Variants in PRIM2 observed in about 807,000 individuals in gnomAD.
PRIM2 encodes DNA primase large subunit.
Under a neutral mutation model 67.3 loss-of-function variants are expected in PRIM2, and 39 were observed. That is an observed-to-expected ratio of 0.58 (90% confidence interval 0.45 to 0.76). PRIM2 has a LOEUF of 0.76. PRIM2 is among the 30% of genes least tolerant of loss of function. The probability of loss-of-function intolerance (pLI) is 0.00; values close to 1 mark genes in which losing one functional copy is unlikely to be tolerated. For synonymous variants in PRIM2, 143 were observed against 198.7 expected, an observed-to-expected ratio of 0.72 and a Z score of 2.36; for missense variants, 398 against 598.7, an observed-to-expected ratio of 0.66 and a Z score of 3.50.
intron 12 of PRIM2, among the ~76,000 whole-genome samples, chr6:57,625,924 T>G (rs1439620171): frequency 2.6e-5 from 4 of 152,182 alleles, no homozygotes; most frequent in South Asian, 4.2e-4. Flanking sequence ...GTTCAAAAAT[T>G]TGCAAGACTT....
intron 10 of PRIM2, among the ~76,000 whole-genome samples, chr6:57,543,019 G>A (rs1413295886): frequency 7.4e-6 from 1 of 134,410 alleles, no homozygotes; most frequent in Non-Finnish European, 1.5e-5. Flanking sequence ...GCTCACTGCA[G>A]GCTCCGCCCC....
intron 7 of PRIM2, among the ~76,000 whole-genome samples, chr6:57,390,624 T>TGA (rs1770309073): frequency 6.6e-6 from 1 of 152,210 alleles, no homozygotes; most frequent in African/African-American, 2.4e-5. Context: ...TCTCACTAAG[T>TGA]GAGAACATGT....
At chr6:57,624,875 G>A (rs1776920733) in intron 12 of PRIM2, among the ~76,000 whole-genome samples, 1 of 152,196 alleles carries the variant, frequency 6.6e-6, no homozygotes, top group Admixed American at 6.5e-5. Flanking sequence ...TGGACTCACA[G>A]TTCCATGTGG....
rs540567743 is a variant in PRIM2 at position 57,379,042 on chromosome 6, A to C, written c.460-859A>C. ...AAAATAGTTACAATCTGCATTTTTA[A>C]AGGCTATTTGATATGTATTATCAAA... On this transcript the variant is annotated intron_variant, in intron 5 of 13. Coordinates refer to ENST00000615550, the MANE Select transcript of PRIM2 (RefSeq NM_000947.5). 2.8e-4 allele frequency among the ~76,000 whole-genome samples: 36 copies of C among 129,220 alleles called. No homozygotes were observed. The South Asian group carries it at 4.8e-3, about 17-fold the overall frequency. 84.8% of individuals were successfully genotyped at this position (129,220 alleles called of 152,430 possible). A position where few individuals can be genotyped will look rare whatever the true frequency, so the allele number is the denominator to read the frequency against.
chr6:57,294,360 A>G, the PRIM2 span, among the ~76,000 whole-genome samples: 1 of 152,018 alleles, frequency 6.6e-6, no homozygotes, highest in Non-Finnish European at 1.5e-5. Context: ...ACACACCTGT[A>G]ATCCCAGCTA....
chr6:57,435,044 C>T (rs112498697), intron 7 of PRIM2: 1,605 of 152,516 alleles, frequency 0.011, 9 homozygotes, highest in Middle Eastern at 0.02. Context: ...CCTCAGCCTC[C>T]GAAAGTGCTG....
the PRIM2 span, among the ~76,000 whole-genome samples, chr6:57,232,844 A>G: frequency 6.6e-6 from 1 of 152,212 alleles, no homozygotes; most frequent in Admixed American, 6.5e-5. Context: ...TTGGGTGAGC[A>G]CACAGTTAAA....
At chr6:57,249,569 C>T in the PRIM2 span, among the ~76,000 whole-genome samples, 1 of 151,776 alleles carries the variant, frequency 6.6e-6, no homozygotes, top group African/African-American at 2.4e-5. Context: ...TGGTGAAACC[C>T]CTTCTCTACT....
intron 13 of PRIM2, among the ~76,000 whole-genome samples, chr6:57,642,041 C>T (rs1366617938): frequency 6.6e-6 from 1 of 152,194 alleles, no homozygotes; most frequent in Non-Finnish European, 1.5e-5. Flanking sequence ...ACATGGAATA[C>T]TATGAAGCCA....
the PRIM2 span, among the ~76,000 whole-genome samples, chr6:57,252,674 C>T: frequency 6.6e-6 from 1 of 152,218 alleles, no homozygotes; most frequent in Non-Finnish European, 1.5e-5. Flanking sequence ...CTCCTGACCT[C>T]AGGTGGGCTG....
intron 7 of PRIM2, among the ~76,000 whole-genome samples, chr6:57,502,832 G>C (rs1774167184): frequency 6.6e-6 from 1 of 152,130 alleles, no homozygotes; most frequent in Non-Finnish European, 1.5e-5. Flanking sequence ...CTAGTTTTGG[G>C]CTACTTGTTT....
the PRIM2 span, among the ~76,000 whole-genome samples, chr6:57,276,451 ATAT>A: frequency 2.8e-5 from 1 of 36,072 alleles, no homozygotes; most frequent in Non-Finnish European, 4.4e-5. Flanking sequence ...ATTTACATAT[ATAT>A]ATATATATAC....
At chr6:57,540,234 C>A (rs1381057052) in intron 10 of PRIM2, among the ~76,000 whole-genome samples, 1 of 151,896 alleles carries the variant, frequency 6.6e-6, no homozygotes, top group Non-Finnish European at 1.5e-5. Flanking sequence ...GTCTGTCTGT[C>A]TTTCTGTCAC....
At chr6:57,491,812 T>C (rs1773898355) in intron 7 of PRIM2, among the ~76,000 whole-genome samples, 1 of 152,082 alleles carries the variant, frequency 6.6e-6, no homozygotes. Context: ...TGAATGCAGG[T>C]TGCTGGATGC....
At chr6:57,531,920 A>T (rs1213858152) in intron 8 of PRIM2, among the ~76,000 whole-genome samples, 1 of 152,146 alleles carries the variant, frequency 6.6e-6, no homozygotes, top group Non-Finnish European at 1.5e-5. Context: ...CAGGCTCTTT[A>T]ACAAAAATTC....
chr6:57,573,734 A>T (rs1775907842), intron 10 of PRIM2, among the ~76,000 whole-genome samples: 1 of 152,170 alleles, frequency 6.6e-6, no homozygotes, highest in Non-Finnish European at 1.5e-5. Flanking sequence ...GAAGTTTCTA[A>T]ATGTGATATA....
the PRIM2 span, among the ~76,000 whole-genome samples, chr6:57,262,997 G>A: frequency 4.0e-4 from 61 of 152,272 alleles, no homozygotes; most frequent in African/African-American, 1.4e-3. Flanking sequence ...GTGAGGTCTA[G>A]ATGACTTCTG....
Position 57,457,507 on chromosome 6 carries a change from C to G in PRIM2, c.694-49880C>G, listed in dbSNP as rs1195145636. Among the ~76,000 whole-genome samples the G allele has an allele frequency of 3.3e-5, 5 of 152,298 alleles. No homozygotes were observed. The East Asian group carries it at 9.7e-4, about 29-fold the overall frequency. ...CAATGGCGGGCACCCCTTCCCTAGG[C>G]TCGCTGCTCCTTTGCAGTTTGATCT... On this transcript the variant is annotated intron_variant, in intron 7 of 13. Transcript: ENST00000615550.
chr6:57,338,085 T>A (rs9475855), intron 5 of PRIM2, among the ~76,000 whole-genome samples: 1 of 150,580 alleles, frequency 6.6e-6, no homozygotes. Flanking sequence ...AACACCTCTA[T>A]GCAAATAAAC....
Sources: allele counts gnomAD v4.1 joint callset (sites outside exome capture counted in the v4.1 genomes callset), GRCh38; gene constraint gnomAD v4.1.1; transcripts MANE v1.5; gene names NCBI Gene and HGNC (gene_info 2026-07-23, HGNC 2026-07-21).